GNA13: variants seen among roughly 807,000 people sequenced by gnomAD.
GNA13 encodes the protein guanine nucleotide-binding protein subunit alpha-13.
A neutral mutation model predicts 33.5 loss-of-function variants in GNA13; 4 were observed. The observed-to-expected ratio is 0.12, with a 90% CI of 0.06 to 0.27. GNA13 has a LOEUF of 0.27. Ranked by LOEUF, GNA13 falls within the 10% of genes least tolerant of loss-of-function variation. The probability of loss-of-function intolerance (pLI) is 1.00; values close to 1 mark genes in which losing one functional copy is unlikely to be tolerated. For synonymous variants in GNA13, 176 were observed against 183.8 expected (o/e 0.96, Z 0.34); for missense variants, 319 against 487.2 (o/e 0.65, Z 3.25).
At position 65,014,888 on chromosome 17, in the gene GNA13, T is replaced by C; in HGVS notation, c.562-59A>G. 1 of 968,092 alleles carries C rather than the reference T, an allele frequency of 1.0e-6. No individual in the cohort carries two copies. Among genetic ancestry groups the C allele is most frequent in the Non-Finnish European group, 1.6e-6 (1 of 627,370 alleles). The allele number at this position is 968,092 out of a possible 1,614,324, so 60.0% of individuals were successfully genotyped here. Reference sequence around the variant, plus strand: ...ATCCCGAAGTAATGCGAATTTTTAATGGACTACTAACTGGACTAGTGAATA... The same window carrying C: ...ATCCCGAAGTAATGCGAATTTTTAACGGACTACTAACTGGACTAGTGAATA... On this transcript the variant is annotated intron_variant, in intron 3 of 3. Coordinates refer to ENST00000439174, the MANE Select transcript of GNA13 (RefSeq NM_006572.6). This position sits in a 1 kb window ranked among gnomAD's most constrained non-coding sequence, Gnocchi z 5.3.
intron 2 of GNA13, among the ~76,000 whole-genome samples, chr17:65,022,320 C>T (rs1220771950): frequency 6.6e-6 from 1 of 151,464 alleles, no homozygotes; most frequent in Non-Finnish European, 1.5e-5. Flanking sequence ...TGCACCACTG[C>T]TTGGTGCACC....
At chr17:65,044,937 G>T (rs1232386103) in intron 2 of GNA13, among the ~76,000 whole-genome samples, 1 of 151,466 alleles carries the variant, frequency 6.6e-6, no homozygotes, top group East Asian at 1.9e-4. Flanking sequence ...CAGGTACTCG[G>T]GAGGCTGAGG....
intron 2 of GNA13, among the ~76,000 whole-genome samples, chr17:65,045,000 G>A (rs1413336222): frequency 4.1e-5 from 6 of 145,628 alleles, no homozygotes; most frequent in Non-Finnish European, 7.4e-5. Context: ...CCAAGATCAC[G>A]CCACTGCACT....
At chr17:65,037,753 G>C (rs1025728488) in intron 2 of GNA13, among the ~76,000 whole-genome samples, 1 of 104,454 alleles carries the variant, frequency 9.6e-6, no homozygotes, top group Non-Finnish European at 1.7e-5. Flanking sequence ...GCAACATGGA[G>C]AGAGACCCAG....
At chr17:65,021,189 T>C (rs1005356527) in intron 2 of GNA13, among the ~76,000 whole-genome samples, 2 of 152,228 alleles carry the variant, frequency 1.3e-5, no homozygotes, top group Non-Finnish European at 1.5e-5. Flanking sequence ...TAGCAGCCAG[T>C]GTACCTGGGT....
intron 2 of GNA13, among the ~76,000 whole-genome samples, chr17:65,043,853 T>C (rs1567826049): frequency 6.6e-6 from 1 of 152,174 alleles, no homozygotes; most frequent in Non-Finnish European, 1.5e-5. Context: ...CTGGGCACAG[T>C]GGTCACGCCT....
At chr17:65,027,898 A>G (rs1213513336) in intron 2 of GNA13, among the ~76,000 whole-genome samples, 3 of 152,160 alleles carry the variant, frequency 2.0e-5, no homozygotes, top group African/African-American at 7.2e-5. Context: ...TGAGGCCAGG[A>G]GTTTAAGACC....
At chr17:65,049,609 G>C (rs1001703216) in intron 2 of GNA13, among the ~76,000 whole-genome samples, 1 of 152,148 alleles carries the variant, frequency 6.6e-6, no homozygotes, top group Non-Finnish European at 1.5e-5. Flanking sequence ...GCTAGGGAAA[G>C]CAAAGGACAC....
At chr17:65,015,662 TAAAAAAAAAAAA>T (rs59210481) in intron 3 of GNA13, among the ~76,000 whole-genome samples, 3 of 74,702 alleles carry the variant, frequency 4.0e-5, no homozygotes, top group African/African-American at 5.7e-5. Context: ...GACTTTGTCT[TAAAAAAAAAAAA>T]AAAAAAAAAA....
At chr17:65,035,063 G>A (rs1301606949) in intron 2 of GNA13, among the ~76,000 whole-genome samples, 6 of 152,208 alleles carry the variant, frequency 3.9e-5, no homozygotes, top group Non-Finnish European at 7.3e-5. Flanking sequence ...GGGATTACAG[G>A]CATGAGCCAC....
At chr17:65,033,994 C>T (rs1408660995) in intron 2 of GNA13, among the ~76,000 whole-genome samples, 1 of 105,882 alleles carries the variant, frequency 9.4e-6, no homozygotes, top group Non-Finnish European at 1.7e-5. Context: ...GCCTGGGCAA[C>T]AGAGCAGGAC....
intron 2 of GNA13, among the ~76,000 whole-genome samples, chr17:65,022,199 C>T (rs1188567925): frequency 1.3e-5 from 2 of 152,132 alleles, no homozygotes; most frequent in African/African-American, 4.8e-5. Flanking sequence ...TAAAAATGCA[C>T]TGGAACACAG....
At chr17:65,033,655 A>G (rs1441192894) in intron 2 of GNA13, among the ~76,000 whole-genome samples, 1 of 152,030 alleles carries the variant, frequency 6.6e-6, no homozygotes, top group Non-Finnish European at 1.5e-5. Flanking sequence ...ATAAAAATTA[A>G]GCAGACTCCA....
At chr17:65,031,923 T>A (rs11079549) in intron 2 of GNA13, among the ~76,000 whole-genome samples, 13,762 of 77,858 alleles carry the variant, frequency 0.18, 621 homozygotes, top group Admixed American at 0.21. Flanking sequence ...AGAGAGAGAG[T>A]GTGTGTGTGT....
intron 2 of GNA13, among the ~76,000 whole-genome samples, chr17:65,031,399 A>G (rs1477875491): frequency 6.6e-6 from 1 of 152,186 alleles, no homozygotes; most frequent in Admixed American, 6.6e-5. Context: ...ACGACTGTAA[A>G]TGTCTGTGTT....
chr17:65,050,597 C>T (rs139026013), intron 2 of GNA13, among the ~76,000 whole-genome samples: 6 of 152,116 alleles, frequency 3.9e-5, no homozygotes, highest in East Asian at 3.9e-4. Flanking sequence ...CTGGGTGTGA[C>T]GGCACACACC....
intron 3 of GNA13, among the ~76,000 whole-genome samples, chr17:65,015,390 C>T (rs552148462): frequency 6.6e-6 from 1 of 152,022 alleles, no homozygotes; most frequent in East Asian, 1.9e-4. Flanking sequence ...GGGCTGGGCG[C>T]GATGGCTCAC....
chr17:65,026,637 T>A (rs1906793898), intron 2 of GNA13, among the ~76,000 whole-genome samples: 1 of 152,150 alleles, frequency 6.6e-6, no homozygotes, highest in South Asian at 2.1e-4. Flanking sequence ...AACTTCTAGA[T>A]CATTCAAGAT....
intron 2 of GNA13, among the ~76,000 whole-genome samples, chr17:65,033,272 C>T (rs565359112): frequency 9.1e-4 from 138 of 151,544 alleles, no homozygotes; most frequent in Non-Finnish European, 1.7e-3. Context: ...ATCGTTTGAG[C>T]CCAGGAGTTC....
Sources: allele counts gnomAD v4.1 joint callset (sites outside exome capture counted in the v4.1 genomes callset), GRCh38; gene constraint gnomAD v4.1.1; non-coding constraint Gnocchi (gnomAD v3.1); transcripts MANE v1.5; gene names NCBI Gene and HGNC (gene_info 2026-07-23, HGNC 2026-07-21).